The following XKR6 variants were observed in gnomAD, a reference collection of about 807,000 sequenced individuals.
XKR6 encodes the protein XK-related protein 6.
XKR6 carries 22 observed loss-of-function variants against 56.7 expected under a neutral mutation model. The observed-to-expected ratio is 0.39, with a 90% CI of 0.28 to 0.55. The LOEUF (loss-of-function observed/expected upper bound fraction) is 0.55. Ranked by LOEUF, XKR6 falls within the 20% of genes least tolerant of loss-of-function variation. The probability of loss-of-function intolerance (pLI) is 0.66; values close to 1 mark genes in which losing one functional copy is unlikely to be tolerated. For synonymous variants in XKR6, 524 were observed against 387.8 expected (o/e 1.35, Z -4.13); for missense variants, 852 against 889.0 (o/e 0.96, Z 0.53).
intron 2 of XKR6, among the ~76,000 whole-genome samples, chr8:10,915,803 G>C (rs1800547687): frequency 6.6e-6 from 1 of 152,326 alleles, no homozygotes; most frequent in South Asian, 2.1e-4. Context: ...CTATCCCTGG[G>C]GAAGTAGGAG....
chr8:11,045,089 T>C (rs1799376554), intron 1 of XKR6, among the ~76,000 whole-genome samples: 2 of 130,146 alleles, frequency 1.5e-5, no homozygotes, highest in South Asian at 5.6e-4. Context: ...TTTTTTTTTT[T>C]TTTTTTTTTT....
At chr8:10,913,556 T>G (rs1335645305) in intron 2 of XKR6, among the ~76,000 whole-genome samples, 1 of 152,138 alleles carries the variant, frequency 6.6e-6, no homozygotes, top group Non-Finnish European at 1.5e-5. Context: ...CAAGAGCAGA[T>G]GTCATCACTT....
intron 1 of XKR6, among the ~76,000 whole-genome samples, chr8:10,985,331 C>G (rs115079916): frequency 0.012 from 1,780 of 152,240 alleles, 24 homozygotes; most frequent in African/African-American, 0.04. Context: ...CCTGCACCCA[C>G]TTTCTTGCCA....
chr8:11,195,129 G>C (rs772685644), intron 1 of XKR6: 2 of 703,030 alleles, frequency 2.8e-6, no homozygotes. Flanking sequence ...TTTTCAGATG[G>C]GAGGAGGGAG....
rs1297234095 is a variant in XKR6 at position 11,201,205 on chromosome 8, G to A, written c.135C>T (p.Gly45=). ...TCGAGCTGCTCTCGCCGGGCTCGCT[G>A]CCGTCGCCGCCGCCGCCGCAGCCGC... ...GGGGCGGGGD[G]SEPGESSSMH... is the part of the protein sequence containing the mutation. Residue 45 remains glycine, a synonymous_variant, in exon 1 of 3, where the codon GGC becomes GGT. Transcript: ENST00000416569. 1.3e-6 allele frequency: 2 copies of A among 1,530,858 alleles called. No homozygotes were observed. Among genetic ancestry groups the A allele is most frequent in the East Asian group, 2.5e-5 (1 of 40,338 alleles). The allele number at this position is 1,530,858 out of a possible 1,614,324, so 94.8% of individuals were successfully genotyped here.
At chr8:10,968,187 T>A (rs941964918) in intron 1 of XKR6, among the ~76,000 whole-genome samples, 23 of 152,176 alleles carry the variant, frequency 1.5e-4, no homozygotes, top group Non-Finnish European at 4.4e-5. Context: ...TGTGCTGGTG[T>A]TTGAACCGGA....
At chr8:11,183,509 T>C (rs890969460) in intron 1 of XKR6, among the ~76,000 whole-genome samples, 10 of 151,030 alleles carry the variant, frequency 6.6e-5, no homozygotes, top group Non-Finnish European at 1.5e-4. Context: ...TTTGAAGACA[T>C]AGGGTCCCAC....
At chr8:11,181,904 G>C (rs1375293061) in intron 1 of XKR6, among the ~76,000 whole-genome samples, 8 of 151,940 alleles carry the variant, frequency 5.3e-5, no homozygotes, top group Admixed American at 5.2e-4. Flanking sequence ...CCAGGTTGGA[G>C]TGCAGTGGCG....
Position 11,018,899 on chromosome 8 carries a change from T to A in XKR6, c.765-94069A>T, listed in dbSNP as rs1050622240. 3.9e-5 allele frequency among the ~76,000 whole-genome samples: 6 copies of A among 152,148 alleles called. No individual in the cohort carries two copies. The East Asian group carries it at 1.2e-3, about 29-fold the overall frequency. ...GCATGCCATACCCTCAGCAGACCAC[T>A]TCCTGCTTCCCAAAGGTGCTCTGTC... On this transcript the variant is annotated intron_variant, in intron 1 of 2. Coordinates refer to ENST00000416569, the MANE Select transcript of XKR6 (RefSeq NM_173683.4).
At chr8:11,085,130 C>A (rs1797843565) in intron 1 of XKR6, among the ~76,000 whole-genome samples, 1 of 152,142 alleles carries the variant, frequency 6.6e-6, no homozygotes, top group African/African-American at 2.4e-5. Flanking sequence ...TCCCTGGCCT[C>A]CCAGGCACTA....
intron 1 of XKR6, among the ~76,000 whole-genome samples, chr8:11,141,228 C>T (rs886682384): frequency 2.6e-5 from 4 of 152,142 alleles, no homozygotes; most frequent in East Asian, 1.9e-4. Flanking sequence ...TGGGACAAAG[C>T]AAATAAGTAA....
At chr8:11,179,020 C>CTTTTTTTT (rs35214787) in intron 1 of XKR6, among the ~76,000 whole-genome samples, 4 of 104,520 alleles carry the variant, frequency 3.8e-5, no homozygotes, top group Admixed American at 9.7e-5. Context: ...TTTTCTTTTT[C>CTTTTTTTT]TTTTTTTTTT....
chr8:10,944,835 C>G (rs1801488849), intron 1 of XKR6, among the ~76,000 whole-genome samples: 1 of 152,202 alleles, frequency 6.6e-6, no homozygotes, highest in African/African-American at 2.4e-5. Flanking sequence ...CTATTTTTAG[C>G]CCTTCTTTCC....
chr8:11,071,747 C>A (rs1800130028), intron 1 of XKR6, among the ~76,000 whole-genome samples: 1 of 152,134 alleles, frequency 6.6e-6, no homozygotes, highest in Non-Finnish European at 1.5e-5. Context: ...ATGGTCTTAG[C>A]AAATGAATAC....
chr8:11,196,392 A>G (rs1803889525), intron 1 of XKR6, among the ~76,000 whole-genome samples: 1 of 152,196 alleles, frequency 6.6e-6, no homozygotes, highest in East Asian at 1.9e-4. Flanking sequence ...TCAGAATGAG[A>G]TTAATACTTG....
intron 1 of XKR6, among the ~76,000 whole-genome samples, chr8:11,185,619 A>G (rs1244546793): frequency 1.3e-5 from 2 of 152,214 alleles, no homozygotes; most frequent in Non-Finnish European, 2.9e-5. Context: ...GCACCCAATA[A>G]AGTCTCCAAT....
In XKR6 at chr8:10,900,773, G is replaced by A. The variant is rs138380210; in HGVS notation, c.962-1857C>T. Among the ~76,000 whole-genome samples, 7 of 152,090 alleles carry A rather than the reference G, an allele frequency of 4.6e-5. No individual in the cohort carries two copies. In the East Asian group the frequency reaches 1.2e-3, roughly 25 times the overall value. ...GAACCTTTTAGTGCTCACATTGTCT[G>A]TTAGGGTGCAGCAGGGAGAACTCCC... On this transcript the variant is annotated intron_variant, in intron 2 of 2. Coordinates refer to ENST00000416569, the MANE Select transcript of XKR6 (RefSeq NM_173683.4).
chr8:10,896,690 G>T lies in XKR6; in HGVS notation c.*1262C>A, dbSNP rs903312570. 1 of 151,996 alleles carries T rather than the reference G, an allele frequency of 6.6e-6. No individual in the cohort carries two copies. Among genetic ancestry groups the T allele is most frequent in the African/African-American group, 2.4e-5 (1 of 41,234 alleles). The allele number at this position is 151,996 out of a possible 1,614,324, so 9.4% of individuals were successfully genotyped here. On this transcript the variant is annotated 3_prime_UTR_variant, in exon 3 of 3. Transcript: ENST00000416569. Reference sequence around the variant, plus strand: ...AGAAGCACCAAACAGTCTTTGAAATGGGTCAGTTATTACAATTTTGACTTT... The same window carrying T: ...AGAAGCACCAAACAGTCTTTGAAATTGGTCAGTTATTACAATTTTGACTTT...
At chr8:11,013,029 G>A (rs1798535941) in intron 1 of XKR6, among the ~76,000 whole-genome samples, 1 of 152,192 alleles carries the variant, frequency 6.6e-6, no homozygotes, top group Non-Finnish European at 1.5e-5. Flanking sequence ...GCTTGAAGAT[G>A]AAACGAGGCC....
Sources: gnomAD v4.1 joint callset for allele counts (sites outside exome capture counted in the v4.1 genomes callset) on GRCh38, gnomAD v4.1.1 for gene constraint, MANE v1.5 for transcripts, NCBI Gene and HGNC (gene_info 2026-07-23, HGNC 2026-07-21) for gene names.